KIF21A: variants seen among roughly 807,000 people sequenced by gnomAD.
The protein encoded by KIF21A is kinesin family member 21A.
KIF21A carries 114 observed loss-of-function variants against 202.9 expected under a neutral mutation model. The ratio of observed to expected loss-of-function variants is 0.56; its 90% confidence interval spans 0.48 to 0.66. The LOEUF is 0.66. KIF21A is among the 30% of genes least tolerant of loss of function. KIF21A has a pLI of 0.00. For missense variants in KIF21A, 1,677 were observed against 1,994.9 expected (o/e 0.84, Z 3.04); for synonymous variants, 667 against 670.8 (o/e 0.99, Z 0.09).
intron 35 of KIF21A, 151 bp downstream of exon 35, chr12:39,304,670 C>G: frequency 1.7e-6 from 1 of 594,716 alleles, no homozygotes; most frequent in Non-Finnish European, 3.0e-6. Context: ...ACAACAAAAC[C>G]ACTAACTATG....
intron 16 of KIF21A, among the ~76,000 whole-genome samples, chr12:39,339,235 CAA>C (rs35065621): frequency 9.2e-5 from 12 of 130,504 alleles, no homozygotes; most frequent in Admixed American, 1.5e-4. Flanking sequence ...GACTCCCTCT[CAA>C]AAAAAAAAAA....
At chr12:39,370,018 T>C (rs767014740) in intron 2 of KIF21A, 21 bp downstream of exon 2, 2 of 1,604,694 alleles carry the variant, frequency 1.2e-6, no homozygotes, top group East Asian at 2.2e-5. Flanking sequence ...TCAACTCCTA[T>C]GAAAATAATA....
At chr12:39,416,715 G>GTATATATATGTACATATATGTGTA (rs35740569) in intron 1 of KIF21A, among the ~76,000 whole-genome samples, 1 of 74,312 alleles carries the variant, frequency 1.3e-5, no homozygotes, top group African/African-American at 7.3e-5. Context: ...ATATATGTGT[G>GTATATATATGTACATATATGTGTA]TATATATGTA....
At position 39,440,454 on chromosome 12, in the gene KIF21A, A is replaced by G. The variant is rs78233409; in HGVS notation, c.44+2473T>C. 2.6e-5 allele frequency among the ~76,000 whole-genome samples: 4 copies of G among 152,304 alleles called. 1 individual carries two copies. The South Asian group carries it at 8.3e-4, about 32-fold the overall frequency. The stretch of plus-strand genomic sequence containing the variant: ...AACAGGACCTAAGTCACAGATTGTT[A>G]TGAGGAATAAATAAGACTTTACATG... On this transcript the variant is annotated intron_variant, in intron 1 of 37. Transcript: ENST00000361418.
At position 39,301,658 on chromosome 12, in the gene KIF21A, C is replaced by T; in HGVS notation, c.4753G>A (p.Asp1585Asn). 1 of 1,614,014 alleles carries T rather than the reference C, an allele frequency of 6.2e-7. No homozygotes were observed. The highest frequency in any genetic ancestry group is 8.5e-7 in the Non-Finnish European group (1 of 1,179,946). ...LLQQVPNAHK[D>N]WVCALGVVPD... is the part of the protein sequence containing the mutation. ...ACCACTCCCAGGGCACAGACCCAAT[C>T]CTTATGTGCATTTGGAACTTGCTAA... The change falls in exon 37 of 38, where the codon GAT (aspartate) becomes AAT (asparagine). Residue 1585 changes from aspartate to asparagine, a missense_variant. Asp to Asn is a conservative substitution (Grantham distance 23). This residue lies in a region of KIF21A where 705 missense variants were observed against 791.9 expected (regional missense o/e 0.89). Coordinates refer to ENST00000361418, the MANE Select transcript of KIF21A (RefSeq NM_001173464.2).
At position 39,333,019 on chromosome 12, in the gene KIF21A, G is replaced by A; in HGVS notation, c.2576C>T (p.Ala859Val). The change falls in exon 19 of 38, where the codon GCT becomes GTT. Residue 859 changes from alanine to valine, a missense_variant. Transcript: ENST00000361418. ...AGCTGCACTGGAACCTGTGTCCTGA[G>A]CAGGTGCATCAGATGAACTCAGCTT... ...TRKLSSSDAP[A>V]QDTGSSAAAV... 3 of 1,614,072 alleles carry A rather than the reference G, an allele frequency of 1.9e-6. No homozygotes were observed. Among genetic ancestry groups the A allele is most frequent in the Non-Finnish European group, 1.7e-6 (2 of 1,179,974 alleles).
intron 11 of KIF21A, among the ~76,000 whole-genome samples, chr12:39,348,366 A>G (rs1443113906): frequency 6.6e-6 from 1 of 152,074 alleles, no homozygotes; most frequent in Non-Finnish European, 1.5e-5. Flanking sequence ...TACTATCTAC[A>G]CCTCTGGATT....
chr12:39,344,618 T>C (rs12817908), intron 12 of KIF21A, among the ~76,000 whole-genome samples: 21,888 of 152,146 alleles, frequency 0.14, 2,214 homozygotes, highest in Non-Finnish European at 0.2. Flanking sequence ...TTCTTTCACT[T>C]CTACATTAAC....
chr12:39,297,057 A>C (rs1942447204), intron 37 of KIF21A, among the ~76,000 whole-genome samples: 1 of 152,204 alleles, frequency 6.6e-6, no homozygotes, highest in Non-Finnish European at 1.5e-5. Context: ...TCTAGATATA[A>C]TTTAAAGGTA....
At chr12:39,349,788 C>A (rs1462588178) in intron 11 of KIF21A, among the ~76,000 whole-genome samples, 1 of 151,840 alleles carries the variant, frequency 6.6e-6, no homozygotes, top group Non-Finnish European at 1.5e-5. Flanking sequence ...AGACATATTC[C>A]ATTAAATACT....
intron 1 of KIF21A, among the ~76,000 whole-genome samples, chr12:39,415,598 T>C (rs1439587724): frequency 6.6e-6 from 1 of 152,182 alleles, no homozygotes; most frequent in Non-Finnish European, 1.5e-5. Flanking sequence ...AGCTCCCTTA[T>C]GTCTGAGAAG....
At chr12:39,375,835 C>T (rs908821123) in intron 1 of KIF21A, among the ~76,000 whole-genome samples, 4 of 152,198 alleles carry the variant, frequency 2.6e-5, no homozygotes, top group South Asian at 2.1e-4. Flanking sequence ...ACTCTCTCAG[C>T]CTTGATTTCC....
intron 1 of KIF21A, among the ~76,000 whole-genome samples, chr12:39,374,942 T>G (rs1308864200): frequency 3.9e-5 from 6 of 152,180 alleles, no homozygotes; most frequent in Admixed American, 2.0e-4. Context: ...CTTCTTATTG[T>G]TTGTTCCTTA....
chr12:39,318,116 G>A lies in KIF21A; in HGVS notation c.3865C>T (p.Arg1289Cys), dbSNP rs755468804. Residue 1289 changes from arginine (R) to cysteine (C), a missense_variant, in exon 29 of 38, where the codon CGT becomes TGT. Arg to Cys is a radical substitution (Grantham distance 180). Transcript: ENST00000361418. ...GTGTTTCCCTGAGAAACAGTAAGAC[G>A]ATTAAAAACATTCAGTTCATTACGG... ...RPRNELNVFN[R>C]LTVSQGNTSV... 8 of 1,613,250 alleles carry A rather than the reference G, an allele frequency of 5.0e-6. No homozygotes were observed. The South Asian group carries it at 6.6e-5, about 13-fold the overall frequency.
chr12:39,423,569 G>T (rs1002261059), intron 1 of KIF21A, among the ~76,000 whole-genome samples: 1 of 151,898 alleles, frequency 6.6e-6, no homozygotes, highest in African/African-American at 2.4e-5. Flanking sequence ...AAAAATGCAG[G>T]CTGGGCGCCG....
In KIF21A at chr12:39,303,054, C is replaced by T; in HGVS notation, c.4642G>A (p.Ala1548Thr). 6.2e-7 allele frequency: 1 copy of T among 1,613,740 alleles called. No homozygotes were observed. The highest frequency in any genetic ancestry group is 8.5e-7 in the Non-Finnish European group (1 of 1,179,700). Reference protein sequence around the residue: ...FEPPHYDGIEALTIQGDNLFS... With the variant: ...FEPPHYDGIETLTIQGDNLFS... ...AGGTTATCCCCTTGAATGGTTAGTG[C>T]TTCTATGCCATCATAATGAGGGGGT... Residue 1548 changes from alanine (A) to threonine (T), a missense_variant, in exon 36 of 38, where the codon GCA becomes ACA. Ala to Thr is a moderately conservative substitution (Grantham distance 58). This residue lies in a region of KIF21A where 705 missense variants were observed against 791.9 expected (regional missense o/e 0.89). Transcript: ENST00000361418.
chr12:39,424,392 TC>T (rs1432930240), intron 1 of KIF21A, among the ~76,000 whole-genome samples: 1 of 152,172 alleles, frequency 6.6e-6, no homozygotes, highest in Admixed American at 6.6e-5. Flanking sequence ...CTCTAAATTT[TC>T]CCTCTTCATG....
chr12:39,301,436 A>G, intron 37 of KIF21A, 44 bp downstream of exon 37: 2 of 1,442,546 alleles, frequency 1.4e-6, no homozygotes, highest in Non-Finnish European at 2.0e-6. Context: ...TTAAATCTGA[A>G]CAGAAGCAAC....
At chr12:39,429,950 T>C (rs1239833852) in intron 1 of KIF21A, among the ~76,000 whole-genome samples, 4 of 152,104 alleles carry the variant, frequency 2.6e-5, no homozygotes, top group Non-Finnish European at 2.9e-5. Flanking sequence ...AACAACCCTG[T>C]GAGATAGGGA....
Sources: gnomAD v4.1 joint callset for allele counts (sites outside exome capture counted in the v4.1 genomes callset) on GRCh38, gnomAD v4.1.1 for gene constraint, gnomAD v4.1.1 regional missense constraint, MANE v1.5 for transcripts, NCBI Gene and HGNC (gene_info 2026-07-23, HGNC 2026-07-21) for gene names.